INTS7: variants seen among roughly 807,000 people sequenced by gnomAD.
INTS7 encodes integrator complex subunit 7.
In INTS7, 46 loss-of-function variants were observed where a neutral mutation model predicts 109.2. The ratio of observed to expected loss-of-function variants is 0.42; its 90% CI spans 0.33 to 0.54. INTS7 has a LOEUF of 0.54. Ranked by LOEUF, INTS7 falls within the 20% of genes least tolerant of loss-of-function variation. INTS7 has a pLI of 0.07. For synonymous variants in INTS7, 412 were observed against 402.9 expected (o/e 1.02, Z -0.27); for missense variants, 929 against 1,132.4 (o/e 0.82, Z 2.58).
At chr1:212,015,022 C>T (rs1371765390) in intron 4 of INTS7, among the ~76,000 whole-genome samples, 3 of 151,892 alleles carry the variant, frequency 2.0e-5, no homozygotes, top group African/African-American at 7.3e-5. Context: ...GCCCTTCCGC[C>T]TGGCAGCCGC....
intron 16 of INTS7, among the ~76,000 whole-genome samples, chr1:211,958,762 T>C (rs551083330): frequency 6.6e-6 from 1 of 152,288 alleles, no homozygotes; most frequent in African/African-American, 2.4e-5. Flanking sequence ...GTTGATTATA[T>C]TCTCTTTGAG....
chr1:212,035,529 T>C lies in INTS7; in HGVS notation c.-92A>G, dbSNP rs1326521323. 9.7e-7 allele frequency: 1 copy of C among 1,032,452 alleles called. No homozygotes were observed. The highest frequency in any genetic ancestry group is 2.4e-5 in the East Asian group (1 of 41,960). 64.0% of individuals were successfully genotyped at this position (1,032,452 alleles called of 1,614,324 possible). ...TCCCCCGCCGCCTTCTTGCTGGTTTTTCTTCCGCGCGCTGTCAAGCCCTGT... is the reference window on the plus strand; with the variant it reads ...TCCCCCGCCGCCTTCTTGCTGGTTTCTCTTCCGCGCGCTGTCAAGCCCTGT... On this transcript the variant is annotated 5_prime_UTR_variant, in exon 1 of 20. Transcript: ENST00000366994.
chr1:212,007,554 A>T, intron 5 of INTS7, 105 bp from the exon 6 acceptor site: 1 of 715,964 alleles, frequency 1.4e-6, no homozygotes, highest in South Asian at 1.6e-5. Flanking sequence ...TGAAAAACAC[A>T]GTATACTAAT....
chr1:212,027,902 C>G (rs796473706), intron 1 of INTS7, among the ~76,000 whole-genome samples: 9 of 152,236 alleles, frequency 5.9e-5, no homozygotes, highest in African/African-American at 2.2e-4. Flanking sequence ...TCTCAGCTCA[C>G]TGCAACCTCC....
In INTS7 at chr1:211,946,563, T is replaced by C; in HGVS notation, c.2415+44A>G. ...TCCTACATAATCTTCAGAAGACACC[T>C]GGTTTTAAAACCTATATTAACCTTA... is the stretch of plus-strand genomic sequence containing the variant. On this transcript the variant is annotated intron_variant, in intron 18 of 19. Transcript: ENST00000366994. The surrounding 1 kb of genome is among the most constrained non-coding windows in gnomAD (Gnocchi z 4.3). 1 of 1,141,536 alleles carries C rather than the reference T, an allele frequency of 8.8e-7. No individual in the cohort carries two copies. The highest frequency in any genetic ancestry group is 1.3e-6 in the Non-Finnish European group (1 of 756,670). The allele number at this position is 1,141,536 out of a possible 1,614,324, so 70.7% of individuals were successfully genotyped here.
chr1:211,971,472 A>G (rs1031675274), intron 13 of INTS7, among the ~76,000 whole-genome samples: 1 of 152,246 alleles, frequency 6.6e-6, no homozygotes, highest in Non-Finnish European at 1.5e-5. Flanking sequence ...ATTGACCTAC[A>G]GCTTCCTGCA....
chr1:211,970,095 A>C (rs1664104696), intron 13 of INTS7, among the ~76,000 whole-genome samples: 2 of 152,246 alleles, frequency 1.3e-5, no homozygotes, highest in African/African-American at 4.8e-5. Context: ...TGTAGCTCAG[A>C]TTAATTTTAA....
chr1:211,988,678 G>A (rs1256430391), intron 7 of INTS7, among the ~76,000 whole-genome samples: 1 of 152,154 alleles, frequency 6.6e-6, no homozygotes, highest in Non-Finnish European at 1.5e-5. Context: ...GGAACCCTGT[G>A]TACTATCGTC....
At chr1:211,992,175 T>G (rs931348721) in intron 7 of INTS7, among the ~76,000 whole-genome samples, 3 of 152,206 alleles carry the variant, frequency 2.0e-5, no homozygotes, top group African/African-American at 7.2e-5. Flanking sequence ...AGCTTGTGAT[T>G]AGGACTAATA....
intron 16 of INTS7, among the ~76,000 whole-genome samples, chr1:211,956,163 A>G (rs538798068): frequency 1.3e-5 from 2 of 152,318 alleles, no homozygotes; most frequent in South Asian, 4.1e-4. Context: ...TGAAAAGACT[A>G]TTCTTTTCCC....
chr1:211,963,096 A>T (rs1206958122), intron 16 of INTS7, among the ~76,000 whole-genome samples: 1 of 152,174 alleles, frequency 6.6e-6, no homozygotes, highest in African/African-American at 2.4e-5. Flanking sequence ...TTGAAAAAAA[A>T]TTAGTATCTA....
intron 16 of INTS7, among the ~76,000 whole-genome samples, chr1:211,962,229 C>A (rs1461185827): frequency 1.7e-5 from 2 of 119,038 alleles, no homozygotes; most frequent in Non-Finnish European, 3.5e-5. Context: ...AATCCTAAAT[C>A]AGACAAAACA....
intron 13 of INTS7, among the ~76,000 whole-genome samples, chr1:211,970,967 G>C (rs1211173693): frequency 6.6e-6 from 1 of 152,192 alleles, no homozygotes; most frequent in Non-Finnish European, 1.5e-5. Flanking sequence ...TAGGTATTTA[G>C]CTACTGACCA....
intron 5 of INTS7, among the ~76,000 whole-genome samples, chr1:212,009,823 C>T (rs1487188348): frequency 6.6e-6 from 1 of 152,128 alleles, no homozygotes; most frequent in African/African-American, 2.4e-5. Flanking sequence ...GGATACTTTT[C>T]TGCAGGAAAG....
chr1:211,971,915 C>CAAAAAAAAAAAAAAA (rs745814699), intron 13 of INTS7, among the ~76,000 whole-genome samples: 26 of 79,774 alleles, frequency 3.3e-4, no homozygotes, highest in South Asian at 4.5e-4. Context: ...AACTCAGTCT[C>CAAAAAAAAAAAAAAA]AAAAAAAAAA....
chr1:212,013,577 G>A (rs1168190301), intron 4 of INTS7, among the ~76,000 whole-genome samples: 1 of 152,182 alleles, frequency 6.6e-6, no homozygotes, highest in Non-Finnish European at 1.5e-5. Flanking sequence ...ATACAGTAAT[G>A]TCCTAGGCTT....
chr1:211,950,179 CATAA>C (rs1558021668), intron 17 of INTS7, among the ~76,000 whole-genome samples: 1 of 152,216 alleles, frequency 6.6e-6, no homozygotes, highest in African/African-American at 2.4e-5. Flanking sequence ...CCTAGGATCC[CATAA>C]ATACTTGTTG....
intron 1 of INTS7, among the ~76,000 whole-genome samples, chr1:212,030,068 G>T (rs1377565669): frequency 6.6e-6 from 1 of 152,110 alleles, no homozygotes; most frequent in Non-Finnish European, 1.5e-5. Flanking sequence ...AAACAAATTT[G>T]AGTTTATGGA....
chr1:212,015,219 T>C (rs1035389165), intron 4 of INTS7, among the ~76,000 whole-genome samples: 1 of 151,994 alleles, frequency 6.6e-6, no homozygotes, highest in African/African-American at 2.4e-5. Flanking sequence ...ACCCAACAGC[T>C]CATTGAGAAC....
Sources: gnomAD v4.1 joint callset for allele counts (sites outside exome capture counted in the v4.1 genomes callset) on GRCh38, gnomAD v4.1.1 for gene constraint, Gnocchi (gnomAD v3.1) non-coding constraint, MANE v1.5 for transcripts, NCBI Gene and HGNC (gene_info 2026-07-23, HGNC 2026-07-21) for gene names.